Variants in STXBP5L observed in about 807,000 individuals in gnomAD.
STXBP5L encodes syntaxin binding protein 5L.
In STXBP5L, 65 loss-of-function variants were observed where a neutral mutation model predicts 144.5. That is an observed-to-expected ratio of 0.45 (90% CI 0.37 to 0.55). The LOEUF (loss-of-function observed/expected upper bound fraction) is 0.55. Among genes scored for constraint, STXBP5L ranks in the 20% least tolerant of loss-of-function variants. The pLI is 0.00. For missense variants in STXBP5L, 1,298 were observed against 1,405.5 expected (o/e 0.92, Z 1.22); for synonymous variants, 505 against 469.6 (o/e 1.08, Z -0.97).
chr3:121,046,150 A>G (rs953642407), intron 5 of STXBP5L, among the ~76,000 whole-genome samples: 5 of 152,136 alleles, frequency 3.3e-5, no homozygotes, highest in African/African-American at 1.2e-4. Context: ...AGTTCTGTTT[A>G]TGTAGTAGAT....
At chr3:121,229,136 C>G (rs2049219219) in intron 11 of STXBP5L, among the ~76,000 whole-genome samples, 1 of 152,182 alleles carries the variant, frequency 6.6e-6, no homozygotes, top group Non-Finnish European at 1.5e-5. Flanking sequence ...TATACTTCCT[C>G]TTTCTTCTTA....
chr3:121,168,724 C>G (rs996150351), intron 9 of STXBP5L, among the ~76,000 whole-genome samples: 1 of 152,042 alleles, frequency 6.6e-6, no homozygotes. Flanking sequence ...ATTGGTGTAC[C>G]TAAAAGTGAA....
intron 5 of STXBP5L, among the ~76,000 whole-genome samples, chr3:121,090,882 C>T (rs1388119363): frequency 2.0e-4 from 31 of 151,324 alleles, no homozygotes; most frequent in Admixed American, 1.9e-3. Context: ...CACCCACTAA[C>T]GTGTCATCTA....
chr3:121,072,499 C>T (rs569492483), intron 5 of STXBP5L, among the ~76,000 whole-genome samples: 2 of 152,300 alleles, frequency 1.3e-5, no homozygotes, highest in South Asian at 4.1e-4. Context: ...CTTTATGAAC[C>T]GGGGGGCTAT....
At chr3:120,946,178 A>G (rs1233091750) in intron 2 of STXBP5L, among the ~76,000 whole-genome samples, 2 of 151,816 alleles carry the variant, frequency 1.3e-5, no homozygotes, top group African/African-American at 4.8e-5. Flanking sequence ...GGCTACTGTA[A>G]CAGGCCATAA....
intron 9 of STXBP5L, among the ~76,000 whole-genome samples, chr3:121,176,122 C>G (rs901620418): frequency 7.9e-5 from 12 of 151,970 alleles, no homozygotes; most frequent in African/African-American, 2.7e-4. Context: ...TATTTGGAAA[C>G]TTCAAAACTA....
intron 7 of STXBP5L, among the ~76,000 whole-genome samples, chr3:121,138,720 C>A: frequency 6.6e-6 from 1 of 151,948 alleles, no homozygotes; most frequent in Non-Finnish European, 1.5e-5. Context: ...GGAAGAATGA[C>A]ATGAGACACT....
chr3:121,351,907 GC>G (rs1182789863), intron 20 of STXBP5L, among the ~76,000 whole-genome samples: 4 of 152,020 alleles, frequency 2.6e-5, no homozygotes, highest in African/African-American at 4.8e-5. Flanking sequence ...CAGATGGCTA[GC>G]CAGTTTTCCC....
chr3:121,028,110 G>A (rs1227938479), intron 3 of STXBP5L, among the ~76,000 whole-genome samples: 2 of 151,924 alleles, frequency 1.3e-5, no homozygotes, highest in East Asian at 3.9e-4. Context: ...ATTAATACAA[G>A]TATGTATTCA....
At chr3:120,909,388 A>T (rs1708706057) in intron 1 of STXBP5L, among the ~76,000 whole-genome samples, 183 bp from the exon 2 acceptor site, 1 of 152,238 alleles carries the variant, frequency 6.6e-6, no homozygotes, top group East Asian at 1.9e-4. Flanking sequence ...TTTAAAAAGG[A>T]TATGCTTTTT....
intron 3 of STXBP5L, among the ~76,000 whole-genome samples, chr3:120,961,943 C>T (rs888539060): frequency 6.6e-6 from 1 of 152,186 alleles, no homozygotes; most frequent in Admixed American, 6.5e-5. Flanking sequence ...CTGTTGTTTC[C>T]TGACTTTTTA....
intron 9 of STXBP5L, among the ~76,000 whole-genome samples, chr3:121,204,753 C>T (rs972051887): frequency 1.4e-4 from 22 of 151,952 alleles, no homozygotes; most frequent in African/African-American, 5.3e-4. Flanking sequence ...ACAAATATTG[C>T]ATTTCAGAAC....
At chr3:121,071,232 T>C (rs1270897016) in intron 5 of STXBP5L, among the ~76,000 whole-genome samples, 1 of 152,226 alleles carries the variant, frequency 6.6e-6, no homozygotes, top group African/African-American at 2.4e-5. Context: ...TTTGCAAAGA[T>C]AACATGACAG....
At chr3:121,157,266 A>C (rs1474511046) in intron 8 of STXBP5L, among the ~76,000 whole-genome samples, 1 of 152,146 alleles carries the variant, frequency 6.6e-6, no homozygotes, top group East Asian at 1.9e-4. Context: ...GGTTTGGCAC[A>C]TAGAAAGCCT....
chr3:121,305,682 G>C (rs1375234279), intron 19 of STXBP5L, among the ~76,000 whole-genome samples: 1 of 152,086 alleles, frequency 6.6e-6, no homozygotes, highest in Non-Finnish European at 1.5e-5. Context: ...AAAATCTACA[G>C]CATCATACTT....
At chr3:121,333,356 T>C (rs1378738985) in intron 20 of STXBP5L, among the ~76,000 whole-genome samples, 1 of 151,992 alleles carries the variant, frequency 6.6e-6, no homozygotes, top group Non-Finnish European at 1.5e-5. Flanking sequence ...TACCAGAATC[T>C]CTGGGACACG....
intron 5 of STXBP5L, among the ~76,000 whole-genome samples, chr3:121,062,173 G>C (rs953188789): frequency 2.6e-5 from 4 of 152,102 alleles, no homozygotes; most frequent in African/African-American, 7.2e-5. Context: ...GGAAGCTTTT[G>C]TAAGGCAGGC....
intron 3 of STXBP5L, among the ~76,000 whole-genome samples, chr3:120,989,466 C>T (rs1175902940): frequency 6.6e-6 from 1 of 152,098 alleles, no homozygotes; most frequent in African/African-American, 2.4e-5. Context: ...AATTTGCCCA[C>T]TCTTTAATGG....
At chr3:121,253,810 C>CTTTTTTTTTTT (rs34678687) in intron 15 of STXBP5L, among the ~76,000 whole-genome samples, 6 of 95,080 alleles carry the variant, frequency 6.3e-5, no homozygotes, top group Admixed American at 1.3e-4. Context: ...TTTTTTTTTT[C>CTTTTTTTTTTT]TTTTTTTTTT....
Sources: gnomAD v4.1 joint callset for allele counts (sites outside exome capture counted in the v4.1 genomes callset) on GRCh38, gnomAD v4.1.1 for gene constraint, MANE v1.5 for transcripts, NCBI Gene and HGNC (gene_info 2026-07-23, HGNC 2026-07-21) for gene names.